NTNG1: variants seen among roughly 807,000 people sequenced by gnomAD.
NTNG1 encodes netrin G1.
A neutral mutation model predicts 54.0 loss-of-function variants in NTNG1; 16 were observed. That is an observed-to-expected ratio of 0.30 (90% CI 0.20 to 0.45). The LOEUF is 0.45. Among genes scored for constraint, NTNG1 ranks in the 20% least tolerant of loss-of-function variants. NTNG1 has a pLI of 1.00. For missense variants in NTNG1, 530 were observed against 678.7 expected (o/e 0.78, Z 2.43); for synonymous variants, 255 against 263.1 (o/e 0.97, Z 0.30).
At position 107,154,704 on chromosome 1, in the gene NTNG1, G is replaced by T. The variant is rs201976914; in HGVS notation, c.246+5865G>T. 1.3e-4 allele frequency among the ~76,000 whole-genome samples: 19 copies of T among 150,508 alleles called. No homozygotes were observed. The East Asian group carries it at 3.7e-3, about 29-fold the overall frequency. On this transcript the variant is annotated intron_variant, in intron 2 of 7. Transcript: ENST00000370068. ...AATGGTAGACTTCTTCTTCTATCTG[G>T]CAGATATAGCCAGGATGGAAGAGGA...
At chr1:107,350,987 G>T (rs1669565019) in intron 3 of NTNG1, among the ~76,000 whole-genome samples, 1 of 152,162 alleles carries the variant, frequency 6.6e-6, no homozygotes, top group South Asian at 2.1e-4. Context: ...GATCTTAAAT[G>T]TTCTCCCCAC....
At chr1:107,155,889 G>C (rs1250974861) in intron 2 of NTNG1, among the ~76,000 whole-genome samples, 1 of 152,082 alleles carries the variant, frequency 6.6e-6, no homozygotes, top group Non-Finnish European at 1.5e-5. Context: ...TCTATGTTTA[G>C]ATAGATTTAG....
At chr1:107,266,976 G>C (rs1663785827) in intron 2 of NTNG1, among the ~76,000 whole-genome samples, 1 of 152,090 alleles carries the variant, frequency 6.6e-6, no homozygotes, top group African/African-American at 2.4e-5. Context: ...GCACTAAAGG[G>C]TCAGAGTTAA....
chr1:107,452,835 C>T (rs762932692), intron 7 of NTNG1, among the ~76,000 whole-genome samples: 4 of 152,170 alleles, frequency 2.6e-5, no homozygotes, highest in Non-Finnish European at 5.9e-5. Context: ...TTATAAATCA[C>T]CCAGTCTCAG....
At chr1:107,470,416 G>A (rs914180595) in intron 7 of NTNG1, among the ~76,000 whole-genome samples, 2 of 152,114 alleles carry the variant, frequency 1.3e-5, no homozygotes, top group African/African-American at 4.8e-5. Context: ...AAAGTTTATT[G>A]CACTCCTACC....
intron 2 of NTNG1, among the ~76,000 whole-genome samples, chr1:107,218,668 A>C (rs1660132476): frequency 6.6e-6 from 1 of 152,152 alleles, no homozygotes. Flanking sequence ...AAATTCTCTC[A>C]GCATTTGTTT....
At chr1:107,161,624 G>A (rs1385477484) in intron 2 of NTNG1, among the ~76,000 whole-genome samples, 1 of 150,198 alleles carries the variant, frequency 6.7e-6, no homozygotes, top group Non-Finnish European at 1.5e-5. Flanking sequence ...TCGTGCCACT[G>A]CACGCCAGCC....
chr1:107,393,195 C>T (rs143975031), intron 3 of NTNG1, among the ~76,000 whole-genome samples: 127 of 152,270 alleles, frequency 8.3e-4, no homozygotes, highest in Non-Finnish European at 1.6e-3. Flanking sequence ...TTGATCTTCA[C>T]GCAGGAAACC....
chr1:107,310,954 T>G (rs1472256323), intron 2 of NTNG1, among the ~76,000 whole-genome samples: 2 of 151,948 alleles, frequency 1.3e-5, no homozygotes, highest in African/African-American at 4.8e-5. Flanking sequence ...CTCTGAGGGG[T>G]AAGTTTCATT....
intron 3 of NTNG1, among the ~76,000 whole-genome samples, chr1:107,336,759 T>A (rs1668604502): frequency 6.6e-6 from 1 of 151,966 alleles, no homozygotes; most frequent in Non-Finnish European, 1.5e-5. Flanking sequence ...ATGTATAAAT[T>A]ACTCTTACAA....
At chr1:107,319,519 G>C (rs1260519070) in intron 2 of NTNG1, among the ~76,000 whole-genome samples, 2 of 152,074 alleles carry the variant, frequency 1.3e-5, no homozygotes, top group Admixed American at 1.3e-4. Context: ...GTCACAGCAG[G>C]AACAGGTTGG....
chr1:107,279,058 A>G (rs1286282070), intron 2 of NTNG1, among the ~76,000 whole-genome samples: 3 of 152,174 alleles, frequency 2.0e-5, no homozygotes, highest in African/African-American at 7.2e-5. Flanking sequence ...GACTACATTG[A>G]TGTTGGTCAT....
At chr1:107,434,977 A>C (rs1675507468) in intron 6 of NTNG1, among the ~76,000 whole-genome samples, 2 of 152,162 alleles carry the variant, frequency 1.3e-5, no homozygotes, top group Admixed American at 6.5e-5. Context: ...TATGACAATG[A>C]CTGGGATATA....
At chr1:107,381,348 TAAAAAA>T (rs10598493) in intron 3 of NTNG1, among the ~76,000 whole-genome samples, 2 of 51,616 alleles carry the variant, frequency 3.9e-5, no homozygotes, top group Non-Finnish European at 7.0e-5. Flanking sequence ...TCTCTTTAAC[TAAAAAA>T]AAAAAAAAAA....
chr1:107,411,569 G>C (rs557119795), intron 5 of NTNG1, among the ~76,000 whole-genome samples: 1 of 152,094 alleles, frequency 6.6e-6, no homozygotes, highest in Non-Finnish European at 1.5e-5. Context: ...GTTATACAGA[G>C]AGCTGCAGTG....
At position 107,480,712 on chromosome 1, in the gene NTNG1, G is replaced by T; in HGVS notation, c.1492G>T (p.Glu498Ter). 1 of 1,611,394 alleles carries T rather than the reference G, an allele frequency of 6.2e-7. No individual in the cohort carries two copies. The highest frequency in any genetic ancestry group is 8.5e-7 in the Non-Finnish European group (1 of 1,179,602). The change falls in exon 8 of 8, where the codon GAG (glutamate) becomes TAG (stop). Residue 498 changes from glutamate (E) to a stop codon, truncating the protein, a stop_gained. Transcript: ENST00000370068. LOFTEE classifies it high-confidence loss of function. Reference protein sequence around the residue: ...CPAAYTGILCEKLRCEEAGSC... With the variant: ...CPAAYTGILC ...GGCCGCATACACGGGCATCCTCTGC[G>T]AGAAGCTGCGGTGCGAGGAGGCTGG... is the stretch of plus-strand genomic sequence containing the variant.
chr1:107,290,984 T>TACACAC (rs1553218725), intron 2 of NTNG1, among the ~76,000 whole-genome samples: 2 of 140,012 alleles, frequency 1.4e-5, no homozygotes, highest in African/African-American at 5.5e-5. Flanking sequence ...TATATATATA[T>TACACAC]ACACACACAC....
intron 2 of NTNG1, among the ~76,000 whole-genome samples, chr1:107,289,579 C>G (rs562029878): frequency 6.6e-6 from 1 of 152,214 alleles, no homozygotes; most frequent in South Asian, 2.1e-4. Flanking sequence ...ACTTAAATAT[C>G]ACTTCATTAT....
rs1654741086 is a variant in NTNG1 at position 107,153,457 on chromosome 1, G to C, written c.246+4618G>C. 2.6e-5 allele frequency among the ~76,000 whole-genome samples: 4 copies of C among 152,300 alleles called. 1 individual carries two copies. The South Asian group carries it at 8.3e-4, about 32-fold the overall frequency. On this transcript the variant is annotated intron_variant, in intron 2 of 7. Transcript: ENST00000370068. ...AAATGAATGAAGTTTTAGTAACAGT[G>C]ACACCTTTCATTTGAACTGATTTAT...
Sources: allele counts gnomAD v4.1 joint callset (sites outside exome capture counted in the v4.1 genomes callset), GRCh38; gene constraint gnomAD v4.1.1; transcripts MANE v1.5; gene names NCBI Gene and HGNC (gene_info 2026-07-23, HGNC 2026-07-21).